Variants in ABCA9 observed in about 807,000 individuals in gnomAD.
ABCA9 encodes ATP binding cassette subfamily A member 9.
Under a neutral mutation model 205.3 loss-of-function variants are expected in ABCA9, and 183 were observed. The observed-to-expected ratio is 0.89, with a 90% CI of 0.79 to 1.01. The LOEUF is 1.01. ABCA9 is among the 50% of genes least tolerant of loss of function. The probability of loss-of-function intolerance (pLI) is 0.00; values close to 1 mark genes in which losing one functional copy is unlikely to be tolerated. For synonymous variants in ABCA9, 651 were observed against 683.3 expected (o/e 0.95, Z 0.74); for missense variants, 1,805 against 1,912.4 (o/e 0.94, Z 1.05).
rs117655236 is a variant in ABCA9 at position 68,987,160 on chromosome 17, T to G, written c.4048-836A>C. On this transcript the variant is annotated intron_variant, in intron 31 of 38. Coordinates refer to ENST00000340001, the MANE Select transcript of ABCA9 (RefSeq NM_080283.4). ...TAGGTGTTTGTTTTATCATTGATGT[T>G]TTACATACAGAAAATTATCACAAGC... Among the ~76,000 whole-genome samples the G allele has an allele frequency of 1.6e-4, 24 of 152,304 alleles. No homozygotes were observed. The East Asian group carries it at 4.6e-3, about 29-fold the overall frequency.
intron 21 of ABCA9, 78 bp downstream of exon 21, chr17:69,017,578 T>C: frequency 6.6e-7 from 1 of 1,512,090 alleles, no homozygotes; most frequent in Non-Finnish European, 8.9e-7. Flanking sequence ...TGGCCTTTCA[T>C]TCAGCTGATA....
chr17:69,038,034 T>C (rs1465704543), intron 6 of ABCA9, among the ~76,000 whole-genome samples: 1 of 152,166 alleles, frequency 6.6e-6, no homozygotes, highest in African/African-American at 2.4e-5. Flanking sequence ...GTTGAATCCC[T>C]GAATTGACCA....
chr17:69,021,750 T>C lies in ABCA9; in HGVS notation c.2393A>G (p.Asp798Gly), dbSNP rs1164032065. The C allele has an allele frequency of 1.9e-6, 3 of 1,575,428 alleles. No individual in the cohort carries two copies. In the South Asian group the frequency reaches 3.5e-5, roughly 18 times the overall value. Residue 798 changes from aspartate to glycine, a missense_variant, in exon 18 of 39, where the codon GAT becomes GGT. Asp to Gly is a moderately conservative substitution (Grantham distance 94). Transcript: ENST00000340001. ...FLKLEGKSTI[D>G]ESDIGIWGQL... is the part of the protein sequence containing the mutation. ...TTCTTATTTTTTCTTACCTGATTCA[T>C]CAATAGTTGATTTTCCTTCTAATTT...
chr17:69,058,643 G>C (rs1208226120), intron 1 of ABCA9, among the ~76,000 whole-genome samples: 3 of 152,038 alleles, frequency 2.0e-5, no homozygotes, highest in Non-Finnish European at 4.4e-5. Flanking sequence ...TTCGAGACCA[G>C]CCTGGCCAAC....
At chr17:69,012,514 G>GT (rs947113830) in intron 22 of ABCA9, among the ~76,000 whole-genome samples, 1 of 149,942 alleles carries the variant, frequency 6.7e-6, no homozygotes, top group Non-Finnish European at 1.5e-5. Context: ...TAGGCACTAT[G>GT]TTAAAAAAAA....
intron 8 of ABCA9, 32 bp downstream of exon 8, chr17:69,035,214 G>GACGTATCAT: frequency 6.8e-7 from 1 of 1,476,742 alleles, no homozygotes; most frequent in Non-Finnish European, 9.0e-7. Context: ...AGAACGGTTT[G>GACGTATCAT]TAAAAAGTGA....
the ABCA9 span, chr17:69,078,937 A>G: frequency 7.6e-7 from 1 of 1,313,928 alleles, no homozygotes; most frequent in Non-Finnish European, 1.1e-6. Flanking sequence ...ACATGAGTTT[A>G]TAGGAGATCA....
upstream of ABCA9, among the ~76,000 whole-genome samples, chr17:69,065,604 C>G (rs958397531): frequency 1.3e-5 from 2 of 152,146 alleles, no homozygotes; most frequent in Non-Finnish European, 2.9e-5. Flanking sequence ...ATTTACCTCT[C>G]TTTGCTCTCC....
intron 9 of ABCA9, 192 bp from the exon 10 acceptor site, chr17:69,032,468 G>A (rs2071185695): frequency 4.2e-6 from 2 of 480,000 alleles, no homozygotes; most frequent in Non-Finnish European, 7.2e-6. Flanking sequence ...TGGCTAATAT[G>A]ACGTTTTTAA....
At chr17:69,051,233 TTTCCAGTTGCA>T (rs1181092366) in intron 1 of ABCA9, 94 bp from the exon 2 acceptor site, 2 of 1,075,958 alleles carry the variant, frequency 1.9e-6, no homozygotes, top group East Asian at 5.3e-5. Flanking sequence ...GTAACAGCTG[TTTCCAGTTGCA>T]TTCCTGGAGA....
chr17:69,055,132 G>C (rs1408822293), intron 1 of ABCA9, among the ~76,000 whole-genome samples: 1 of 152,080 alleles, frequency 6.6e-6, no homozygotes, highest in Non-Finnish European at 1.5e-5. Context: ...TAACAAATTT[G>C]GTAGATACTA....
chr17:69,002,572 G>C (rs1235167211), intron 25 of ABCA9, among the ~76,000 whole-genome samples: 1 of 151,992 alleles, frequency 6.6e-6, no homozygotes, highest in African/African-American at 2.4e-5. Flanking sequence ...GTGTGGTGTG[G>C]TGCTGAAAAA....
intron 37 of ABCA9, among the ~76,000 whole-genome samples, chr17:68,978,036 T>G (rs2068936838): frequency 6.6e-6 from 1 of 152,204 alleles, no homozygotes; most frequent in Admixed American, 6.5e-5. Context: ...GTTAACTTTC[T>G]GTCTCGATCT....
In ABCA9 at chr17:69,024,248, A is replaced by G. The variant is rs138044644; in HGVS notation, c.2247T>C (p.Tyr749=). ...TGTTTGTCCTTTCCAAAGGCAAAAT[A>G]TATACAAGTTTTTCTTCACTTTGTG... is the stretch of plus-strand genomic sequence containing the variant. The part of the protein sequence containing the change: ...LTAQSEEKLV[Y]ILPLERTNKF... Residue 749 remains tyrosine (Y), a synonymous_variant, in exon 17 of 39, where the codon TAT becomes TAC. Coordinates refer to ENST00000340001, the MANE Select transcript of ABCA9 (RefSeq NM_080283.4). 1.2e-6 allele frequency: 2 copies of G among 1,613,094 alleles called. No individual in the cohort carries two copies. The highest frequency in any genetic ancestry group is 1.3e-5 in the African/African-American group (1 of 74,898).
At chr17:69,069,885 G>A in the ABCA9 span, among the ~76,000 whole-genome samples, 3 of 151,784 alleles carry the variant, frequency 2.0e-5, no homozygotes, top group African/African-American at 4.8e-5. Context: ...TTGGTTATTC[G>A]GTATCTTGTA....
In ABCA9 at chr17:69,027,105, A is replaced by G. The variant is rs1405543660; in HGVS notation, c.1921T>C (p.Leu641=). Residue 641 remains leucine (L), a synonymous_variant, in exon 15 of 39, where the codon TTG becomes CTG. Coordinates refer to ENST00000340001, the MANE Select transcript of ABCA9 (RefSeq NM_080283.4). ...AILGDPQVLL[L]DEPTAGLDPL... The stretch of plus-strand genomic sequence containing the variant: ...TCCAATCCAGCAGTCGGTTCATCCA[A>G]TAGCAAAACCTGGACAGGAGGAAAG... The G allele has an allele frequency of 1.2e-6, 2 of 1,614,002 alleles. No homozygotes were observed. The highest frequency in any genetic ancestry group is 3.3e-5 in the Admixed American group (2 of 60,004).
At chr17:69,053,964 A>G (rs2071989146) in intron 1 of ABCA9, among the ~76,000 whole-genome samples, 1 of 152,216 alleles carries the variant, frequency 6.6e-6, no homozygotes, top group Non-Finnish European at 1.5e-5. Context: ...TCTATAGAGG[A>G]GCAAAAATAA....
chr17:69,070,463 C>T, the ABCA9 span, among the ~76,000 whole-genome samples: 8 of 152,030 alleles, frequency 5.3e-5, no homozygotes, highest in African/African-American at 1.4e-4. Flanking sequence ...CAGGGTGGGC[C>T]GTTGCCTCAC....
At chr17:69,028,404 AT>A in intron 12 of ABCA9, 130 bp downstream of exon 12, 1 of 468,630 alleles carries the variant, frequency 2.1e-6, no homozygotes, top group Non-Finnish European at 3.8e-6. Context: ...TGACCTCATG[AT>A]CCACCTGCCT....
Sources: allele counts gnomAD v4.1 joint callset (sites outside exome capture counted in the v4.1 genomes callset), GRCh38; gene constraint gnomAD v4.1.1; transcripts MANE v1.5; gene names NCBI Gene and HGNC (gene_info 2026-07-23, HGNC 2026-07-21).